ANKRD17: variants seen among roughly 807,000 people sequenced by gnomAD.
ANKRD17 encodes ankyrin repeat domain-containing protein 17.
In ANKRD17, 19 loss-of-function variants were observed where a neutral mutation model predicts 229.7. The observed-to-expected ratio is 0.08, with a 90% CI of 0.06 to 0.12. The LOEUF (loss-of-function observed/expected upper bound fraction) is 0.12, where lower values mean the gene tolerates loss of function less well. Among genes scored for constraint, ANKRD17 ranks in the 10% least tolerant of loss-of-function variants. The pLI is 1.00. For synonymous variants in ANKRD17, 1,112 were observed against 1,146.1 expected, an observed-to-expected ratio of 0.97 and a Z score of 0.60; for missense variants, 2,176 against 3,176.8, an observed-to-expected ratio of 0.68 and a Z score of 7.57.
intron 16 of ANKRD17, 93 bp downstream of exon 16, chr4:73,135,021 AAGC>A: frequency 7.8e-7 from 1 of 1,279,690 alleles, no homozygotes; most frequent in Non-Finnish European, 1.1e-6. Context: ...CCTAGAGACA[AAGC>A]AGTCTTTCAT....
intron 1 of ANKRD17, among the ~76,000 whole-genome samples, chr4:73,225,093 A>G (rs973854150): frequency 3.3e-5 from 5 of 152,212 alleles, no homozygotes; most frequent in Non-Finnish European, 7.3e-5. Flanking sequence ...AAAGTAATTT[A>G]CATTGTTGAG....
At chr4:73,108,809 G>C (rs1463772475) in intron 24 of ANKRD17, among the ~76,000 whole-genome samples, 5 of 152,170 alleles carry the variant, frequency 3.3e-5, no homozygotes, top group African/African-American at 1.2e-4. Flanking sequence ...TGGGTCTGTA[G>C]CTAAAAGGTT....
chr4:73,125,611 T>C (rs1240520881), intron 16 of ANKRD17, among the ~76,000 whole-genome samples: 2 of 151,828 alleles, frequency 1.3e-5, no homozygotes, highest in African/African-American at 4.8e-5. Flanking sequence ...TGCGTGCCTG[T>C]AGTCCCAGCT....
intron 31 of ANKRD17, 69 bp downstream of exon 31, chr4:73,078,573 T>A: frequency 6.6e-7 from 1 of 1,515,734 alleles, no homozygotes; most frequent in Non-Finnish European, 8.9e-7. Context: ...ACTATTAAAG[T>A]TAAATACTGT....
At chr4:73,197,811 T>C (rs1738101773) in intron 1 of ANKRD17, among the ~76,000 whole-genome samples, 1 of 152,114 alleles carries the variant, frequency 6.6e-6, no homozygotes, top group Non-Finnish European at 1.5e-5. Context: ...AGCAAGAGCC[T>C]ATCTCAAAAA....
chr4:73,084,122 C>T (rs1427185143), intron 30 of ANKRD17, among the ~76,000 whole-genome samples: 1 of 152,120 alleles, frequency 6.6e-6, no homozygotes, highest in African/African-American at 2.4e-5. Flanking sequence ...TGGCTCACAC[C>T]TGTAATCCCA....
In ANKRD17 at chr4:73,139,667, C is replaced by A. The variant is rs79371243; in HGVS notation, c.2949G>T (p.Val983=). ...GGCCCAGTACTGGCTGTCCAACTAT[C>A]ACTCCTTGCAGTTCTGTAAGATTTG... ...SIANLTELQG[V]IVGQPVLGQA... is the part of the protein sequence containing the mutation. The change falls in exon 15 of 34, where the codon GTG becomes GTT. Residue 983 remains valine (V), a synonymous_variant. Coordinates refer to ENST00000358602, the MANE Select transcript of ANKRD17 (RefSeq NM_032217.5). The A allele has an allele frequency of 1.2e-6, 2 of 1,614,128 alleles. No individual in the cohort carries two copies. The highest frequency in any genetic ancestry group is 1.7e-6 in the Non-Finnish European group (2 of 1,180,014).
At chr4:73,077,270 T>TTAGATTATA in intron 32 of ANKRD17, 85 bp downstream of exon 32, 1 of 1,376,612 alleles carries the variant, frequency 7.3e-7, no homozygotes, top group South Asian at 1.6e-5. Flanking sequence ...TATTTTAACA[T>TTAGATTATA]TAGATTATAC....
intron 2 of ANKRD17, among the ~76,000 whole-genome samples, chr4:73,164,770 C>T (rs1371060764): frequency 6.8e-6 from 1 of 147,756 alleles, no homozygotes; most frequent in Non-Finnish European, 1.5e-5. Context: ...CCAGGCTGGG[C>T]GACAAAATGA....
rs111774217 is a variant in ANKRD17 at position 73,097,203 on chromosome 4, G to A, written c.5091C>T (p.Pro1697=). ...LSTCTKSGPS[P]LSSPNGKLTV... ...TTAACTTCCCATTTGGAGAAGAAAG[G>A]GGAGATGGACCAGATTTTGTACAAG... Residue 1697 remains proline, a synonymous_variant, in exon 27 of 34, where the codon CCC becomes CCT. Transcript: ENST00000358602. The A allele has an allele frequency of 1.9e-5, 31 of 1,612,370 alleles. No individual in the cohort carries two copies. The African/African-American group carries it at 3.7e-4, about 19-fold the overall frequency.
intron 24 of ANKRD17, among the ~76,000 whole-genome samples, chr4:73,110,523 A>G (rs1725184098): frequency 6.6e-6 from 1 of 152,228 alleles, no homozygotes; most frequent in Admixed American, 6.5e-5. Flanking sequence ...TGACCAAAGA[A>G]GCACTTTTAT....
chr4:73,199,221 CTGTGTGTGTG>C (rs10577503), intron 1 of ANKRD17, among the ~76,000 whole-genome samples: 3 of 140,474 alleles, frequency 2.1e-5, no homozygotes, highest in South Asian at 4.8e-4. Flanking sequence ...TACAGTTTGG[CTGTGTGTGTG>C]TGTGTGTGTG....
chr4:73,095,323 G>C (rs545336853), intron 27 of ANKRD17, among the ~76,000 whole-genome samples: 1 of 151,854 alleles, frequency 6.6e-6, no homozygotes, highest in Non-Finnish European at 1.5e-5. Context: ...ATCTGAGGCC[G>C]GGCACGGTGG....
chr4:73,113,912 T>C lies in ANKRD17; in HGVS notation c.4285-4A>G, dbSNP rs761290996. ...GATGACACTTCTTCAGCATCTCCTA[T>C]AATGAAAAATTAAGATTTTTCCAGG... On this transcript the variant is annotated splice_polypyrimidine_tract_variant and splice_region_variant and intron_variant, in intron 23 of 33. Coordinates refer to ENST00000358602, the MANE Select transcript of ANKRD17 (RefSeq NM_032217.5). The C allele has an allele frequency of 1.3e-6, 2 of 1,590,932 alleles. No individual in the cohort carries two copies. The highest frequency in any genetic ancestry group is 2.2e-5 in the South Asian group (2 of 89,138).
chr4:73,170,112 T>C (rs1248844398), intron 2 of ANKRD17, among the ~76,000 whole-genome samples: 1 of 151,584 alleles, frequency 6.6e-6, no homozygotes, highest in Admixed American at 6.6e-5. Context: ...GCTAAGGGAG[T>C]GCTTGAGTCA....
intron 30 of ANKRD17, among the ~76,000 whole-genome samples, chr4:73,083,943 A>T (rs1453688766): frequency 2.7e-5 from 4 of 150,932 alleles, no homozygotes; most frequent in African/African-American, 9.7e-5. Context: ...AAAAAAAAAC[A>T]AAACAAAAAA....
chr4:73,108,878 G>A (rs1207280468), intron 24 of ANKRD17, among the ~76,000 whole-genome samples: 1 of 152,178 alleles, frequency 6.6e-6, no homozygotes, highest in African/African-American at 2.4e-5. Flanking sequence ...AAATAAGTGT[G>A]TATGCTGATG....
chr4:73,081,640 T>C (rs1721574165), intron 30 of ANKRD17, among the ~76,000 whole-genome samples: 1 of 152,208 alleles, frequency 6.6e-6, no homozygotes, highest in African/African-American at 2.4e-5. Context: ...CTAGGTTTTG[T>C]GGGGCCTTAA....
At position 73,076,965 on chromosome 4, in the gene ANKRD17, G is replaced by C; in HGVS notation, c.7727C>G (p.Ser2576Cys). The change falls in exon 33 of 34, where the codon TCC (serine) becomes TGC (cysteine). Residue 2576 changes from serine to cysteine, a missense_variant. Ser to Cys is a moderately radical substitution (Grantham distance 112). Around this residue, in one of 18 missense-constraint regions of ANKRD17, gnomAD observed 159 missense variants for 214.3 expected, o/e 0.74. Coordinates refer to ENST00000358602, the MANE Select transcript of ANKRD17 (RefSeq NM_032217.5). ...WNSLIKMVSSSTENNGPQTVW... is the reference protein window; with the variant it reads ...WNSLIKMVSSCTENNGPQTVW... ...CGTTTGAGGGCCATTATTTTCCGTG[G>C]AGCTGGAAACCATCTTTATCAGTGA... 6.2e-7 allele frequency: 1 copy of C among 1,611,604 alleles called. No homozygotes were observed. The highest frequency in any genetic ancestry group is 8.5e-7 in the Non-Finnish European group (1 of 1,179,094).
Sources: allele counts gnomAD v4.1 joint callset (sites outside exome capture counted in the v4.1 genomes callset), GRCh38; gene constraint gnomAD v4.1.1; regional missense constraint gnomAD v4.1.1; transcripts MANE v1.5; gene names NCBI Gene and HGNC (gene_info 2026-07-23, HGNC 2026-07-21).